The following GID4 variants were observed in gnomAD, a reference collection of about 807,000 sequenced individuals.
The protein encoded by GID4 is GID complex subunit 4 homolog, also known as glucose-induced degradation protein 4 homolog.
Under a neutral mutation model 32.4 loss-of-function variants are expected in GID4, and 7 were observed. The ratio of observed to expected loss-of-function variants is 0.22; its 90% CI spans 0.12 to 0.41. GID4 has a LOEUF of 0.41. Among genes scored for constraint, GID4 ranks in the 10% least tolerant of loss-of-function variants. The pLI is 1.00. For synonymous variants in GID4, 166 were observed against 170.0 expected (o/e 0.98, Z 0.18); for missense variants, 309 against 400.0 (o/e 0.77, Z 1.94).
intron 2 of GID4, among the ~76,000 whole-genome samples, chr17:18,053,295 G>A (rs1291934130): frequency 4.7e-5 from 7 of 150,342 alleles, no homozygotes; most frequent in African/African-American, 9.7e-5. Flanking sequence ...TTACAGGCGT[G>A]AGCCACCATG....
chr17:18,062,075 G>A (rs959866985), intron 5 of GID4, 100 bp downstream of exon 5: 1 of 1,150,978 alleles, frequency 8.7e-7, no homozygotes, highest in African/African-American at 1.5e-5. Context: ...GCCTGTCTCT[G>A]TATAGATTCT....
intron 3 of GID4, chr17:18,056,888 C>A: frequency 6.4e-7 from 1 of 1,550,552 alleles, no homozygotes; most frequent in South Asian, 1.2e-5. Flanking sequence ...TCAGCATTTC[C>A]CCTAACTTTC....
intron 4 of GID4, among the ~76,000 whole-genome samples, chr17:18,060,265 G>GT (rs1387657588): frequency 2.0e-5 from 3 of 151,406 alleles, no homozygotes; most frequent in Non-Finnish European, 2.9e-5. Context: ...AGGTGTAGTG[G>GT]TGCACGCCTG....
chr17:18,045,885 C>G (rs190721127), intron 2 of GID4, among the ~76,000 whole-genome samples: 70 of 147,416 alleles, frequency 4.7e-4, no homozygotes, highest in African/African-American at 1.7e-3. Flanking sequence ...GAGCAAGACC[C>G]TGTCTCAAAA....
At chr17:18,056,798 A>C in intron 3 of GID4, 9 of 1,550,650 alleles carry the variant, frequency 5.8e-6, no homozygotes, top group Non-Finnish European at 7.8e-6. Flanking sequence ...TGGTACTGGC[A>C]TGTGAGGTGT....
intron 5 of GID4, among the ~76,000 whole-genome samples, chr17:18,064,330 A>G (rs568673252): frequency 1.9e-4 from 29 of 152,306 alleles, no homozygotes; most frequent in Middle Eastern, 3.4e-3. Context: ...GGCACTTGTT[A>G]TCATGTCTCT....
intron 4 of GID4, among the ~76,000 whole-genome samples, chr17:18,059,525 C>G (rs2045000292): frequency 6.6e-6 from 1 of 152,146 alleles, no homozygotes; most frequent in South Asian, 2.1e-4. Flanking sequence ...CAGCAGACCT[C>G]AGAGAGCCCC....
chr17:18,039,559 T>C lies in GID4; in HGVS notation c.95T>C (p.Leu32Ser). 2 of 1,304,002 alleles carry C rather than the reference T, an allele frequency of 1.5e-6. No individual in the cohort carries two copies. The highest frequency in any genetic ancestry group is 4.7e-5 in the South Asian group (2 of 42,344). 80.8% of individuals were successfully genotyped at this position (1,304,002 alleles called of 1,614,324 possible). A position where few individuals can be genotyped will look rare whatever the true frequency, so the allele number is the denominator to read the frequency against. Residue 32 changes from leucine (L) to serine (S), a missense_variant, in exon 1 of 6, where the codon TTG becomes TCG. Around this residue, in one of 2 missense-constraint regions of GID4, gnomAD observed 193 missense variants for 185.8 expected, o/e 1.04. Transcript: ENST00000268719. The surrounding 1 kb of genome is among the most constrained non-coding windows in gnomAD (Gnocchi z 5.3). The part of the protein sequence containing the change: ...VPGSRWRPER[L>S]LRRQRAGGRP... ...GGGTCCCGGTGGCGGCCGGAGCGCT[T>C]GCTCCGCAGGCAGCGGGCGGGTGGT...
rs370576830 is a variant in GID4, at chr17:18,039,944, G to A, written c.438+42G>A. On this transcript the variant is annotated intron_variant, in intron 1 of 5. Transcript: ENST00000268719. This position sits in a 1 kb window ranked among gnomAD's most constrained non-coding sequence, Gnocchi z 5.3. ...GCCGGGGCCCGAGGGCCTCCTCGCG[G>A]CGCTCACGGGCCGTGCCCGCTTCGG... The A allele has an allele frequency of 3.8e-6, 5 of 1,315,770 alleles. No homozygotes were observed. In the African/African-American group the frequency reaches 6.1e-5, roughly 16 times the overall value. 81.5% of individuals were successfully genotyped at this position (1,315,770 alleles called of 1,614,324 possible). A position where few individuals can be genotyped will look rare whatever the true frequency, so the allele number is the denominator to read the frequency against.
intron 2 of GID4, among the ~76,000 whole-genome samples, chr17:18,048,431 T>C (rs142546453): frequency 2.9e-4 from 44 of 152,280 alleles, no homozygotes; most frequent in Middle Eastern, 3.4e-3. Flanking sequence ...TGACCTCAAA[T>C]GTCCACCCTC....
intron 2 of GID4, among the ~76,000 whole-genome samples, chr17:18,051,688 A>AG: frequency 6.6e-6 from 1 of 151,740 alleles, no homozygotes; most frequent in South Asian, 2.1e-4. Context: ...AAAAAAAAAA[A>AG]TAGCTTCTAG....
chr17:18,052,920 A>C (rs1426961252), intron 2 of GID4, among the ~76,000 whole-genome samples: 3 of 151,884 alleles, frequency 2.0e-5, no homozygotes, highest in Non-Finnish European at 2.9e-5. Flanking sequence ...CTATGTATCA[A>C]GGTATTCTAA....
At chr17:18,056,697 C>T (rs16960835) in intron 3 of GID4, 182,571 of 1,546,332 alleles carry the variant, frequency 0.12, 14,148 homozygotes, top group South Asian at 0.36. Context: ...CATTGACTTC[C>T]GTTAGAACAT....
chr17:18,049,772 G>A (rs2044892548), intron 2 of GID4, among the ~76,000 whole-genome samples: 1 of 151,986 alleles, frequency 6.6e-6, no homozygotes, highest in Non-Finnish European at 1.5e-5. Flanking sequence ...CAGGTAGCAT[G>A]TACCACCACA....
At chr17:18,048,632 T>A (rs1057056396) in intron 2 of GID4, among the ~76,000 whole-genome samples, 3 of 152,082 alleles carry the variant, frequency 2.0e-5, no homozygotes, top group African/African-American at 7.2e-5. Flanking sequence ...TGTTAAAATA[T>A]CAATTTTTTA....
chr17:18,050,706 G>A (rs776823382), intron 2 of GID4, among the ~76,000 whole-genome samples: 2 of 152,214 alleles, frequency 1.3e-5, no homozygotes, highest in Non-Finnish European at 2.9e-5. Flanking sequence ...CCAGAAGACA[G>A]GTCTACATGG....
chr17:18,050,713 A>G (rs1165970225), intron 2 of GID4, among the ~76,000 whole-genome samples: 2 of 152,258 alleles, frequency 1.3e-5, no homozygotes, highest in Non-Finnish European at 2.9e-5. Context: ...ACAGGTCTAC[A>G]TGGAAAGTCG....
chr17:18,056,538 G>C (rs2044968915), intron 3 of GID4, among the ~76,000 whole-genome samples: 1 of 152,322 alleles, frequency 6.6e-6, no homozygotes, highest in South Asian at 2.1e-4. Context: ...GTTCTTCCTT[G>C]TAGTAAACCA....
At chr17:18,043,648 T>C (rs1451728212) in intron 1 of GID4, among the ~76,000 whole-genome samples, 2 of 152,242 alleles carry the variant, frequency 1.3e-5, no homozygotes, top group East Asian at 3.8e-4. Flanking sequence ...TTTGGCTTCA[T>C]TGAAGTTCAT....
Sources: allele counts gnomAD v4.1 joint callset (sites outside exome capture counted in the v4.1 genomes callset), GRCh38; gene constraint gnomAD v4.1.1; regional missense constraint gnomAD v4.1.1; non-coding constraint Gnocchi (gnomAD v3.1); transcripts MANE v1.5; gene names NCBI Gene and HGNC (gene_info 2026-07-23, HGNC 2026-07-21).